ZC3H13: variants seen among roughly 807,000 people sequenced by gnomAD.
ZC3H13 encodes the protein zinc finger CCCH domain-containing protein 13.
A neutral mutation model predicts 204.1 loss-of-function variants in ZC3H13; 64 were observed. The observed-to-expected ratio is 0.31, with a 90% CI of 0.26 to 0.39. The LOEUF is 0.39. Ranked by LOEUF, ZC3H13 falls within the 10% of genes least tolerant of loss-of-function variation. The probability of loss-of-function intolerance (pLI) is 1.00; values close to 1 mark genes in which losing one functional copy is unlikely to be tolerated. For missense variants in ZC3H13, 1,833 were observed against 2,082.7 expected, an observed-to-expected ratio of 0.88 and a Z score of 2.33; for synonymous variants, 667 against 693.7, an observed-to-expected ratio of 0.96 and a Z score of 0.60.
chr13:46,039,869 T>G (rs1444127175), intron 4 of ZC3H13, among the ~76,000 whole-genome samples: 1 of 152,190 alleles, frequency 6.6e-6, no homozygotes, highest in Non-Finnish European at 1.5e-5. Flanking sequence ...TTTGAAAGCT[T>G]GAAACTGACC....
intron 7 of ZC3H13, among the ~76,000 whole-genome samples, chr13:46,009,000 T>C (rs1480861800): frequency 1.3e-5 from 2 of 152,116 alleles, no homozygotes; most frequent in Non-Finnish European, 2.9e-5. Context: ...ATCCCAATCT[T>C]CAAGGAGCTT....
At position 45,970,238 on chromosome 13, in the gene ZC3H13, G is replaced by C. The variant is rs1026172317; in HGVS notation, c.2572+124C>G. 6 of 1,053,926 alleles carry C rather than the reference G, an allele frequency of 5.7e-6. No individual in the cohort carries two copies. In the Admixed American group the frequency reaches 6.7e-5, roughly 12 times the overall value. 65.3% of individuals were successfully genotyped at this position (1,053,926 alleles called of 1,614,324 possible). ...CTTTAGTCACAAAAGGAGATATTTA[G>C]AGGCAGCAAAGCAAGACAACTTTTT... On this transcript the variant is annotated intron_variant, in intron 13 of 18. Transcript: ENST00000679008.
At chr13:46,043,351 T>C (rs2043719193) in intron 3 of ZC3H13, among the ~76,000 whole-genome samples, 1 of 151,988 alleles carries the variant, frequency 6.6e-6, no homozygotes. Context: ...GTAATAGATT[T>C]ATATTAAATG....
chr13:45,990,453 G>C (rs909819882), intron 8 of ZC3H13, among the ~76,000 whole-genome samples: 1 of 152,034 alleles, frequency 6.6e-6, no homozygotes, highest in Non-Finnish European at 1.5e-5. Context: ...AATACCTCTG[G>C]GTGACAGTAA....
At position 45,965,361 on chromosome 13, in the gene ZC3H13, T is replaced by C. The variant is rs1369723881; in HGVS notation, c.4393A>G (p.Ile1465Val). ...ATTTCATCTAGTTCGTCATCACTGATTGGCTCGTATCCTTCTCCAGCACCA... is the reference window on the plus strand; with the variant it reads ...ATTTCATCTAGTTCGTCATCACTGACTGGCTCGTATCCTTCTCCAGCACCA... ...GSGAGEGYEP[I>V]SDDELDEILA... The change falls in exon 16 of 19, where the codon ATC becomes GTC. Residue 1465 changes from isoleucine to valine, a missense_variant. Transcript: ENST00000679008. The C allele has an allele frequency of 6.2e-7, 1 of 1,613,778 alleles. No homozygotes were observed. The highest frequency in any genetic ancestry group is 8.5e-7 in the Non-Finnish European group (1 of 1,179,790).
chr13:45,974,965 G>A (rs887840699), intron 12 of ZC3H13, among the ~76,000 whole-genome samples: 3 of 151,278 alleles, frequency 2.0e-5, no homozygotes, highest in African/African-American at 7.3e-5. Flanking sequence ...TCCCATCTCA[G>A]CCTCCCAAGT....
chr13:45,987,901 A>G (rs1342815619), intron 9 of ZC3H13, among the ~76,000 whole-genome samples: 1 of 152,220 alleles, frequency 6.6e-6, no homozygotes, highest in Non-Finnish European at 1.5e-5. Flanking sequence ...AACAGGCTTT[A>G]TTGCCAGGTA....
chr13:45,976,816 G>T (rs1247938943), intron 11 of ZC3H13, among the ~76,000 whole-genome samples: 1 of 152,112 alleles, frequency 6.6e-6, no homozygotes, highest in Non-Finnish European at 1.5e-5. Context: ...ACTGGTTTTT[G>T]ATAAAGATCA....
chr13:45,976,503 T>A (rs1426713570), intron 11 of ZC3H13, among the ~76,000 whole-genome samples: 1 of 152,204 alleles, frequency 6.6e-6, no homozygotes, highest in African/African-American at 2.4e-5. Context: ...AATAACCAAT[T>A]ACTAATAAAT....
intron 8 of ZC3H13, among the ~76,000 whole-genome samples, chr13:46,001,657 C>G (rs576333260): frequency 6.6e-6 from 1 of 152,204 alleles, no homozygotes; most frequent in South Asian, 2.1e-4. Context: ...GATAAACTAC[C>G]TAGCAACAGG....
Position 46,044,989 on chromosome 13 carries a change from G to A in ZC3H13, c.193C>T (p.Pro65Ser), listed in dbSNP as rs1226281515. The change falls in exon 3 of 19, where the codon CCT becomes TCT. Residue 65 changes from proline to serine, a missense_variant. This residue lies in a region of ZC3H13 where 1,574 missense variants were observed against 1,757.2 expected (regional missense o/e 0.90). Transcript: ENST00000679008. ...NTCRFVHGPS[P>S]RGKGYSSNYR... ...TTGCTGCTATAACCTTTACCACGAGGTGAAGGGCCATGTACGAATCTACAT... is the reference window on the plus strand; with the variant it reads ...TTGCTGCTATAACCTTTACCACGAGATGAAGGGCCATGTACGAATCTACAT... The A allele has an allele frequency of 9.9e-6, 16 of 1,613,274 alleles. No individual in the cohort carries two copies. The highest frequency in any genetic ancestry group is 1.4e-5 in the Non-Finnish European group (16 of 1,179,574).
chr13:46,026,524 G>C (rs1325106600), intron 4 of ZC3H13, among the ~76,000 whole-genome samples: 1 of 151,490 alleles, frequency 6.6e-6, no homozygotes, highest in Non-Finnish European at 1.5e-5. Context: ...TTTTTTTAAA[G>C]CATGGGTGGA....
chr13:46,020,691 T>C (rs770549070), intron 4 of ZC3H13, 134 bp from the exon 5 acceptor site: 5 of 610,204 alleles, frequency 8.2e-6, no homozygotes, highest in Non-Finnish European at 1.1e-5. Context: ...TAGTCACTTA[T>C]CCACTAAGTA....
Position 46,019,538 on chromosome 13 carries a change from C to A in ZC3H13, c.448+911G>T, listed in dbSNP as rs367976323. ...TATATAAATTACATTAAATTGTCCACCCCCACTCAATGCATTTAACAAATA... is the reference window on the plus strand; with the variant it reads ...TATATAAATTACATTAAATTGTCCAACCCCACTCAATGCATTTAACAAATA... On this transcript the variant is annotated intron_variant, in intron 5 of 18. Transcript: ENST00000679008. Among the ~76,000 whole-genome samples, 10 of 152,224 alleles carry A rather than the reference C, an allele frequency of 6.6e-5. No homozygotes were observed. The East Asian group carries it at 1.9e-3, about 29-fold the overall frequency.
At chr13:45,987,788 T>C (rs962089259) in intron 9 of ZC3H13, among the ~76,000 whole-genome samples, 4 of 152,188 alleles carry the variant, frequency 2.6e-5, no homozygotes, top group Non-Finnish European at 5.9e-5. Context: ...ACTTACTATG[T>C]TAAAAAATGA....
At chr13:46,015,735 C>T (rs370021088) in intron 5 of ZC3H13, among the ~76,000 whole-genome samples, 3 of 151,984 alleles carry the variant, frequency 2.0e-5, no homozygotes, top group South Asian at 4.1e-4. Context: ...GTTTTATAGG[C>T]GTAGTTAGAA....
intron 7 of ZC3H13, chr13:46,010,035 ATTAG>A (rs1430721183): frequency 5.0e-5 from 9 of 179,286 alleles, no homozygotes; most frequent in Admixed American, 1.7e-4. Flanking sequence ...CAGAACACAT[ATTAG>A]TTAAAGTATA....
At chr13:45,963,271 C>T (rs1207524148) in intron 17 of ZC3H13, 3 of 986,110 alleles carry the variant, frequency 3.0e-6, no homozygotes, top group Admixed American at 1.2e-4. Context: ...TCAACCTACA[C>T]ACCTGCATTT....
intron 11 of ZC3H13, among the ~76,000 whole-genome samples, chr13:45,977,139 T>C (rs892351169): frequency 1.3e-5 from 2 of 152,160 alleles, no homozygotes; most frequent in African/African-American, 4.8e-5. Flanking sequence ...GTAGATGCAT[T>C]AGAAGTCAGT....
Sources: allele counts gnomAD v4.1 joint callset (sites outside exome capture counted in the v4.1 genomes callset), GRCh38; gene constraint gnomAD v4.1.1; regional missense constraint gnomAD v4.1.1; transcripts MANE v1.5; gene names NCBI Gene and HGNC (gene_info 2026-07-23, HGNC 2026-07-21).